LYRM4: variants seen among roughly 807,000 people sequenced by gnomAD.
LYRM4 encodes LYR motif containing 4.
Under a neutral mutation model 11.7 loss-of-function variants are expected in LYRM4, and 9 were observed. The ratio of observed to expected loss-of-function variants is 0.77; its 90% CI spans 0.46 to 1.34. LYRM4 has a LOEUF of 1.34. Among genes scored for constraint, LYRM4 ranks in the 40% most tolerant of loss-of-function variants. The probability of loss-of-function intolerance (pLI) is 0.00; values close to 1 mark genes in which losing one functional copy is unlikely to be tolerated. For missense variants in LYRM4, 133 were observed against 112.5 expected (o/e 1.18, Z -0.82); for synonymous variants, 42 against 40.4 (o/e 1.04, Z -0.15).
rs1217849512 is a variant in LYRM4, at chr6:5,108,727, C to G, written c.*696G>C. The G allele has an allele frequency of 1.1e-6, 1 of 949,816 alleles. No homozygotes were observed. Among genetic ancestry groups the G allele is most frequent in the African/African-American group, 1.8e-5 (1 of 56,524 alleles). The allele number at this position is 949,816 out of a possible 1,614,324, so 58.8% of individuals were successfully genotyped here. On this transcript the variant is annotated 3_prime_UTR_variant, in exon 3 of 3. Coordinates refer to ENST00000330636, the MANE Select transcript of LYRM4 (RefSeq NM_020408.6). Reference sequence around the variant, plus strand: ...TGGGTCAGGCTGGGGCTCTCTCATTCACCAGGTGTGGGGAGGGGCTTGAGC... The same window carrying G: ...TGGGTCAGGCTGGGGCTCTCTCATTGACCAGGTGTGGGGAGGGGCTTGAGC...
At chr6:5,127,712 G>C (rs530439150) in intron 2 of LYRM4, among the ~76,000 whole-genome samples, 1 of 152,130 alleles carries the variant, frequency 6.6e-6, no homozygotes, top group Non-Finnish European at 1.5e-5. Context: ...AATTTTGCCT[G>C]TTCTTTTTTG....
the LYRM4 span, chr6:5,042,897 A>G: frequency 6.6e-6 from 1 of 152,196 alleles, no homozygotes; most frequent in Non-Finnish European, 1.5e-5. Context: ...TCCACACCTA[A>G]AGGAAAACCT....
chr6:5,121,105 C>T (rs919377632), intron 2 of LYRM4, among the ~76,000 whole-genome samples: 25 of 152,124 alleles, frequency 1.6e-4, no homozygotes, highest in Admixed American at 7.2e-4. Context: ...GTTTTCCTTC[C>T]CTCCACCCCT....
intron 1 of LYRM4, among the ~76,000 whole-genome samples, chr6:5,257,201 C>T (rs534159011): frequency 6.6e-6 from 1 of 152,132 alleles, no homozygotes; most frequent in Non-Finnish European, 1.5e-5. Context: ...GCACGGCCCC[C>T]AGGCCCTCAA....
chr6:5,177,835 T>C (rs997577419), intron 2 of LYRM4, among the ~76,000 whole-genome samples: 6 of 152,178 alleles, frequency 3.9e-5, no homozygotes, highest in Non-Finnish European at 8.8e-5. Flanking sequence ...GAGAAGTGAT[T>C]CTCAGGAAAT....
chr6:5,119,094 C>T (rs908510096), intron 2 of LYRM4, among the ~76,000 whole-genome samples: 1 of 152,178 alleles, frequency 6.6e-6, no homozygotes, highest in Non-Finnish European at 1.5e-5. Context: ...CCAGTACACA[C>T]TCCATCTCCA....
At chr6:5,172,706 T>C (rs1759503015) in intron 2 of LYRM4, among the ~76,000 whole-genome samples, 2 of 152,288 alleles carry the variant, frequency 1.3e-5, no homozygotes, top group South Asian at 4.1e-4. Flanking sequence ...ATTCTCATGC[T>C]CACAAAGTCA....
At chr6:5,091,496 A>G in the LYRM4 span, among the ~76,000 whole-genome samples, 1 of 152,240 alleles carries the variant, frequency 6.6e-6, no homozygotes, top group African/African-American at 2.4e-5. Context: ...CCGTAACTTC[A>G]GGCGCATTCA....
intron 2 of LYRM4, among the ~76,000 whole-genome samples, chr6:5,211,340 T>C (rs1037142865): frequency 6.6e-6 from 1 of 152,110 alleles, no homozygotes; most frequent in African/African-American, 2.4e-5. Flanking sequence ...AACCATATAA[T>C]AGCAAATAAA....
intron 2 of LYRM4, among the ~76,000 whole-genome samples, chr6:5,189,493 C>T (rs17139748): frequency 0.28 from 43,302 of 152,054 alleles, 6,383 homozygotes; most frequent in African/African-American, 0.36. Context: ...CAAGAGTTTA[C>T]GCTGCTCTAG....
intron 2 of LYRM4, among the ~76,000 whole-genome samples, chr6:5,156,615 G>T (rs1441062699): frequency 1.3e-5 from 2 of 152,204 alleles, no homozygotes; most frequent in African/African-American, 4.8e-5. Flanking sequence ...ACCTGCGGAG[G>T]CTCCTTGCTG....
the LYRM4 span, chr6:5,086,516 G>T: frequency 2.0e-6 from 3 of 1,534,880 alleles, no homozygotes; most frequent in Non-Finnish European, 1.7e-6. Flanking sequence ...AACAACGCGG[G>T]CGCCAACTAC....
At chr6:5,231,392 G>C (rs1364610824) in intron 1 of LYRM4, among the ~76,000 whole-genome samples, 1 of 152,130 alleles carries the variant, frequency 6.6e-6, no homozygotes, top group Non-Finnish European at 1.5e-5. Flanking sequence ...GTTTTAAAAG[G>C]ACAGCAAGGG....
At chr6:5,222,488 A>G (rs1392415754) in intron 1 of LYRM4, among the ~76,000 whole-genome samples, 1 of 152,130 alleles carries the variant, frequency 6.6e-6, no homozygotes, top group Non-Finnish European at 1.5e-5. Context: ...GGGTGACAAG[A>G]TCTGTAGATA....
At chr6:5,228,323 C>A (rs1361472985) in intron 1 of LYRM4, among the ~76,000 whole-genome samples, 1 of 152,036 alleles carries the variant, frequency 6.6e-6, no homozygotes, top group Non-Finnish European at 1.5e-5. Flanking sequence ...ATCGTCCAGG[C>A]TGCAGTGCAG....
intron 2 of LYRM4, among the ~76,000 whole-genome samples, chr6:5,161,726 C>A (rs998040910): frequency 6.6e-6 from 1 of 152,160 alleles, no homozygotes; most frequent in Non-Finnish European, 1.5e-5. Flanking sequence ...GCTGTTGGAG[C>A]CCTGTGCTTT....
chr6:5,062,729 C>A, the LYRM4 span, among the ~76,000 whole-genome samples: 2 of 152,178 alleles, frequency 1.3e-5, no homozygotes, highest in East Asian at 3.8e-4. Flanking sequence ...ATCCAGGCGA[C>A]TCTCAGGACA....
the LYRM4 span, among the ~76,000 whole-genome samples, chr6:5,040,352 G>GATAGATAGATAGATAGATAGATAGATAC: frequency 4.6e-5 from 6 of 130,122 alleles, no homozygotes; most frequent in South Asian, 2.4e-4. Context: ...TAGATAGATA[G>GATAGATAGATAGATAGATAGATAGATAC]ATACATACAT....
intron 2 of LYRM4, among the ~76,000 whole-genome samples, chr6:5,175,047 T>G (rs139747948): frequency 1.3e-5 from 2 of 152,230 alleles, no homozygotes; most frequent in Admixed American, 6.5e-5. Flanking sequence ...AAGAATTCTT[T>G]GCAAATATGA....
Sources: allele counts gnomAD v4.1 joint callset (sites outside exome capture counted in the v4.1 genomes callset), GRCh38; gene constraint gnomAD v4.1.1; transcripts MANE v1.5; gene names NCBI Gene and HGNC (gene_info 2026-07-23, HGNC 2026-07-21).